CBFA2T3: variants seen among roughly 807,000 people sequenced by gnomAD.
CBFA2T3 encodes CBFA2/RUNX1 partner transcriptional co-repressor 3.
Under a neutral mutation model 58.6 loss-of-function variants are expected in CBFA2T3, and 31 were observed. That is an observed-to-expected ratio of 0.53 (90% CI 0.40 to 0.71). The LOEUF (loss-of-function observed/expected upper bound fraction) is 0.71, where lower values mean the gene tolerates loss of function less well. Ranked by LOEUF, CBFA2T3 falls within the 30% of genes least tolerant of loss-of-function variation. The pLI, the probability that CBFA2T3 is intolerant of heterozygous loss-of-function variation, is 0.00. For missense variants in CBFA2T3, 1,076 were observed against 963.1 expected (o/e 1.12, Z -1.55); for synonymous variants, 531 against 421.9 (o/e 1.26, Z -3.17).
chr16:88,895,608 T>C (rs1969855712), intron 3 of CBFA2T3, among the ~76,000 whole-genome samples: 1 of 152,016 alleles, frequency 6.6e-6, no homozygotes, highest in Non-Finnish European at 1.5e-5. Context: ...TGGATGTTCT[T>C]GGTGGAGCGG....
rs560822156 is a variant in CBFA2T3 at position 88,919,803 on chromosome 16, T to A, written c.152-18147A>T. The stretch of plus-strand genomic sequence containing the variant: ...GTCGCTCCACGTAATCCGTGGACAC[T>A]GTTTCAATGCAGGTCTGGAGGCCGC... On this transcript the variant is annotated intron_variant, in intron 1 of 11. Coordinates refer to ENST00000268679, the MANE Select transcript of CBFA2T3 (RefSeq NM_005187.6). 5.9e-5 allele frequency among the ~76,000 whole-genome samples: 9 copies of A among 152,342 alleles called. No individual in the cohort carries two copies. The South Asian group carries it at 1.7e-3, about 28-fold the overall frequency.
At chr16:88,973,464 T>C (rs886836097) in intron 1 of CBFA2T3, among the ~76,000 whole-genome samples, 1 of 152,176 alleles carries the variant, frequency 6.6e-6, no homozygotes, top group Non-Finnish European at 1.5e-5. Flanking sequence ...GCCTCTGTTG[T>C]TCTGAGCCCC....
chr16:88,974,495 T>C (rs763599465), intron 1 of CBFA2T3, among the ~76,000 whole-genome samples: 26 of 152,054 alleles, frequency 1.7e-4, no homozygotes, highest in Middle Eastern at 6.8e-3. Flanking sequence ...GCTGAGGTCC[T>C]CCCACCCCCT....
chr16:88,877,288 A>G lies in CBFA2T3; in HGVS notation c.1663-13T>C. 6.5e-7 allele frequency: 1 copy of G among 1,537,746 alleles called. No individual in the cohort carries two copies. The highest frequency in any genetic ancestry group is 2.0e-5 in the Admixed American group (1 of 50,508). ...AGTTCCAGCAGCTCTGGGTGGGGGCAGAGGGGCCAGTCAGGGCTGGGTCTG... is the reference window on the plus strand; with the variant it reads ...AGTTCCAGCAGCTCTGGGTGGGGGCGGAGGGGCCAGTCAGGGCTGGGTCTG... On this transcript the variant is annotated splice_polypyrimidine_tract_variant and intron_variant, in intron 11 of 11. Coordinates refer to ENST00000268679, the MANE Select transcript of CBFA2T3 (RefSeq NM_005187.6).
At chr16:88,919,221 G>A (rs1045674938) in intron 1 of CBFA2T3, among the ~76,000 whole-genome samples, 3 of 151,980 alleles carry the variant, frequency 2.0e-5, no homozygotes, top group South Asian at 2.1e-4. Context: ...CGAGCCAATC[G>A]GGACAAATAC....
intron 1 of CBFA2T3, among the ~76,000 whole-genome samples, chr16:88,976,070 C>A (rs1355973516): frequency 6.6e-6 from 1 of 152,206 alleles, no homozygotes; most frequent in Non-Finnish European, 1.5e-5. Context: ...CAATAGCTGG[C>A]GTCCTGCTGG....
intron 1 of CBFA2T3, among the ~76,000 whole-genome samples, chr16:88,943,642 C>T (rs1317872289): frequency 2.0e-5 from 3 of 152,166 alleles, no homozygotes; most frequent in Non-Finnish European, 4.4e-5. Context: ...GTAGCTGGCA[C>T]AGAGCTGGGC....
At position 88,976,821 on chromosome 16, in the gene CBFA2T3, C is replaced by T. The variant is rs757484095; in HGVS notation, c.-14G>A. The T allele has an allele frequency of 1.9e-6, 3 of 1,545,180 alleles. No individual in the cohort carries two copies. Among genetic ancestry groups the T allele is most frequent in the Non-Finnish European group, 2.6e-6 (3 of 1,141,750 alleles). ...TGAAGCCGGCATGAGGAGGGCCACC[C>T]TCAGGGGCCAACCTGGAGCCCAGGA... On this transcript the variant is annotated 5_prime_UTR_variant, in exon 1 of 12. Transcript: ENST00000268679.
chr16:88,974,197 C>G (rs1329645476), intron 1 of CBFA2T3, among the ~76,000 whole-genome samples: 3 of 152,258 alleles, frequency 2.0e-5, no homozygotes, highest in Non-Finnish European at 2.9e-5. Context: ...TGACCTCCGC[C>G]TCTTCTTCTG....
Position 88,976,763 on chromosome 16 carries a change from C to T in CBFA2T3, c.45G>A (p.Ser15=), listed in dbSNP as rs116638077. The change falls in exon 1 of 12, where the codon TCG becomes TCA. Residue 15 remains serine (S), a synonymous_variant. Coordinates refer to ENST00000268679, the MANE Select transcript of CBFA2T3 (RefSeq NM_005187.6). The stretch of plus-strand genomic sequence containing the variant: ...GGGACATGGAGCCACAGGTGGATCC[C>T]GAGGCTGAACTGGCTGCCCTGTCCC... The part of the protein sequence containing the change: ...RLRDRAASSA[S]GSTCGSMSQT... 1.9e-4 allele frequency: 302 copies of T among 1,556,832 alleles called. No homozygotes were observed. In the African/African-American group the frequency reaches 3.6e-3, roughly 19 times the overall value.
At chr16:88,911,689 G>C (rs750128456) in intron 1 of CBFA2T3, among the ~76,000 whole-genome samples, 8 of 152,398 alleles carry the variant, frequency 5.2e-5, no homozygotes, top group African/African-American at 9.6e-5. Context: ...AGAACAGAGC[G>C]CCTGGCCGCT....
intron 1 of CBFA2T3, among the ~76,000 whole-genome samples, chr16:88,972,303 C>T (rs1187982631): frequency 1.3e-5 from 2 of 152,176 alleles, no homozygotes; most frequent in Non-Finnish European, 2.9e-5. Context: ...GCTCCCTGCT[C>T]TGTGCCAGTG....
rs11642210 is a variant in CBFA2T3 at position 88,881,432 on chromosome 16, G to A, written c.1261C>T (p.Arg421Cys). 24 of 1,609,828 alleles carry A rather than the reference G, an allele frequency of 1.5e-5. No homozygotes were observed. Among genetic ancestry groups the A allele is most frequent in the African/African-American group, 1.3e-4 (10 of 74,994 alleles). The change falls in exon 9 of 12, where the codon CGC becomes TGC. Residue 421 changes from arginine (R) to cysteine (C), a missense_variant. Arg to Cys is a radical substitution (Grantham distance 180). Transcript: ENST00000268679. The stretch of plus-strand genomic sequence containing the variant: ...TCGCGGTCGGCCTCCTGGCACCTGC[G>A]CAGCACCGTGAGCGAGCGCCGCGTC... ...EKTRRSLTVL[R>C]RCQEADREEL...
intron 3 of CBFA2T3, among the ~76,000 whole-genome samples, chr16:88,896,185 A>G (rs1597688405): frequency 6.6e-6 from 1 of 152,312 alleles, no homozygotes; most frequent in East Asian, 1.9e-4. Context: ...GATATGGCAC[A>G]AAACCTTGAG....
At chr16:88,892,733 C>A (rs184651948) in intron 3 of CBFA2T3, among the ~76,000 whole-genome samples, 1 of 152,196 alleles carries the variant, frequency 6.6e-6, no homozygotes, top group African/African-American at 2.4e-5. Context: ...CACACACACC[C>A]CCTTACAGAC....
chr16:88,915,962 G>C (rs1970705038), intron 1 of CBFA2T3, among the ~76,000 whole-genome samples: 1 of 152,114 alleles, frequency 6.6e-6, no homozygotes, highest in Non-Finnish European at 1.5e-5. Flanking sequence ...GTGTACGTGG[G>C]TGCATGGGTC....
chr16:88,913,968 G>A (rs1433587565), intron 1 of CBFA2T3, among the ~76,000 whole-genome samples: 1 of 152,130 alleles, frequency 6.6e-6, no homozygotes, highest in Non-Finnish European at 1.5e-5. Flanking sequence ...ACAGACACAG[G>A]TGCCTCCAGA....
At chr16:88,924,624 A>C (rs1430989251) in intron 1 of CBFA2T3, among the ~76,000 whole-genome samples, 1 of 152,188 alleles carries the variant, frequency 6.6e-6, no homozygotes, top group East Asian at 1.9e-4. Context: ...AAGGCAGCAC[A>C]GGACAAGCCT....
At chr16:88,899,057 T>G (rs1970001275) in intron 2 of CBFA2T3, among the ~76,000 whole-genome samples, 2 of 148,476 alleles carry the variant, frequency 1.3e-5, no homozygotes, top group African/African-American at 2.5e-5. Flanking sequence ...CTTATATGCC[T>G]TCCCCCTCCC....
Sources: gnomAD v4.1 joint callset for allele counts (sites outside exome capture counted in the v4.1 genomes callset) on GRCh38, gnomAD v4.1.1 for gene constraint, MANE v1.5 for transcripts, NCBI Gene and HGNC (gene_info 2026-07-23, HGNC 2026-07-21) for gene names.